The following CLIC2 variants were observed in gnomAD, a reference collection of about 807,000 sequenced individuals.
CLIC2 encodes the protein CLIC family member 2.
Under a neutral mutation model 14.8 loss-of-function variants are expected in CLIC2, and 9 were observed. The observed-to-expected ratio is 0.61, with a 90% CI of 0.37 to 1.06. CLIC2 has a LOEUF of 1.06. Ranked by LOEUF, CLIC2 falls within the 50% of genes least tolerant of loss-of-function variation. The pLI, the probability that CLIC2 is intolerant of heterozygous loss-of-function variation, is 0.01. For missense variants in CLIC2, 148 were observed against 181.4 expected (o/e 0.82, Z 1.06); for synonymous variants, 61 against 66.3 (o/e 0.92, Z 0.39).
rs2074901018 is a variant in CLIC2, at chrX:155,277,016, C to T, written c.*887G>A. The T allele has an allele frequency of 8.9e-6, 1 of 112,217 alleles. No individual in the cohort carries two copies. The highest frequency in any genetic ancestry group is 1.9e-5 in the Non-Finnish European group (1 of 53,160). The allele number at this position is 112,217 out of a possible 1,213,427, so 9.2% of individuals were successfully genotyped here. A position where few individuals can be genotyped will look rare whatever the true frequency, so the allele number is the denominator to read the frequency against. ...TTGAGGGAGCAAGAGTTAAGTTCAGCTTTTGTTTCCAGATTTGAATGATTT... is the reference window on the plus strand; with the variant it reads ...TTGAGGGAGCAAGAGTTAAGTTCAGTTTTTGTTTCCAGATTTGAATGATTT... On this transcript the variant is annotated 3_prime_UTR_variant, in exon 6 of 6. Transcript: ENST00000369449.
intron 1 of CLIC2, among the ~76,000 whole-genome samples, chrX:155,322,299 A>T (rs782427473): frequency 8.9e-6 from 1 of 111,780 alleles, no homozygotes; most frequent in Admixed American, 9.5e-5. Context: ...TTGACCACAT[A>T]ATTGGAAGTA....
At chrX:155,292,901 G>A (rs1602936376) in intron 3 of CLIC2, 1 of 1,000,673 alleles carries the variant, frequency 1.0e-6, no homozygotes, top group Non-Finnish European at 1.4e-6. Context: ...GTGCCTCAAG[G>A]GAAGTAGGAA....
At chrX:155,333,825 G>T (rs1569561421) in intron 1 of CLIC2, among the ~76,000 whole-genome samples, 1 of 109,115 alleles carries the variant, frequency 9.2e-6, no homozygotes, top group African/African-American at 3.3e-5. Flanking sequence ...ACAGACTCCT[G>T]TTTTTTTTCT....
At chrX:155,313,212 A>AAC (rs1276163701) in intron 1 of CLIC2, among the ~76,000 whole-genome samples, 80 of 109,259 alleles carry the variant, frequency 7.3e-4, no homozygotes, top group African/African-American at 2.4e-3. Flanking sequence ...AAAAAAAAAA[A>AAC]AAACAAAACT....
At chrX:155,290,361 AGTAGTAGCTT>A (rs1191416727) in intron 3 of CLIC2, 2 of 425,108 alleles carry the variant, frequency 4.7e-6, no homozygotes, top group Admixed American at 7.0e-5. Flanking sequence ...GACTTGAATC[AGTAGTAGCTT>A]CATTTTCCGC....
chrX:155,277,851 C>T lies in CLIC2; in HGVS notation c.*52G>A. On this transcript the variant is annotated 3_prime_UTR_variant, in exon 6 of 6. Transcript: ENST00000369449. ...ATTTGCAAAAACCTTTCTAATATGT[C>T]AATAAGTAAAATCTGATCACAAATA... is the stretch of plus-strand genomic sequence containing the variant. 1 of 1,093,084 alleles carries T rather than the reference C, an allele frequency of 9.1e-7. No homozygotes were observed. 90.1% of individuals were successfully genotyped at this position (1,093,084 alleles called of 1,213,427 possible). A position where few individuals can be genotyped will look rare whatever the true frequency, so the allele number is the denominator to read the frequency against.
intron 3 of CLIC2, 70 bp from the exon 4 acceptor site, chrX:155,280,138 C>G (rs2074913584): frequency 1.4e-6 from 1 of 702,330 alleles, no homozygotes; most frequent in East Asian, 3.3e-5. Flanking sequence ...CTAGCTTGCA[C>G]TATACTGAAA....
At chrX:155,285,295 T>C (rs2074937723) in intron 3 of CLIC2, among the ~76,000 whole-genome samples, 1 of 112,160 alleles carries the variant, frequency 8.9e-6, no homozygotes, top group East Asian at 2.8e-4. Flanking sequence ...CCAGTGGTTG[T>C]TGTGTGTTAT....
In CLIC2 at chrX:155,326,571, G is replaced by C. The variant is rs1419156402; in HGVS notation, c.57+7800C>G. 5.4e-5 allele frequency among the ~76,000 whole-genome samples: 6 copies of C among 111,647 alleles called. No individual in the cohort carries two copies. The East Asian group carries it at 1.7e-3, about 31-fold the overall frequency. ...CAGCTGCTACGCGACCAAACAACTA[G>C]ACCCTTTGGCATTTATCTCAGAGAA... On this transcript the variant is annotated intron_variant, in intron 1 of 5. Transcript: ENST00000369449.
At chrX:155,325,005 A>G (rs1435110008) in intron 1 of CLIC2, among the ~76,000 whole-genome samples, 1 of 112,529 alleles carries the variant, frequency 8.9e-6, no homozygotes, top group Non-Finnish European at 1.9e-5. Context: ...TCATATGAAT[A>G]AAAGCTAATC....
chrX:155,288,292 A>G (rs1319220825), intron 3 of CLIC2, among the ~76,000 whole-genome samples: 1 of 112,220 alleles, frequency 8.9e-6, no homozygotes, highest in African/African-American at 3.2e-5. Context: ...TAGGTATGAT[A>G]ATGCCACCTA....
chrX:155,294,064 A>G (rs782017560), intron 3 of CLIC2, among the ~76,000 whole-genome samples: 33 of 112,128 alleles, frequency 2.9e-4, no homozygotes, highest in African/African-American at 1.0e-3. Flanking sequence ...AAATGAACCA[A>G]ACAGACATTT....
intron 3 of CLIC2, chrX:155,293,365 G>C (rs1161168693): frequency 9.2e-7 from 1 of 1,084,214 alleles, no homozygotes; most frequent in Non-Finnish European, 1.3e-6. Flanking sequence ...CAACAAGAAA[G>C]GAAAGGCTGA....
intron 3 of CLIC2, among the ~76,000 whole-genome samples, chrX:155,295,573 A>C (rs1557318254): frequency 1.8e-5 from 2 of 111,201 alleles, no homozygotes; most frequent in Non-Finnish European, 3.8e-5. Context: ...AAAAGGAAGT[A>C]AAATTGTCCC....
rs1252610268 is a variant in CLIC2, at chrX:155,277,270, G to A, written c.*633C>T. 1 of 111,062 alleles carries A rather than the reference G, an allele frequency of 9.0e-6. No homozygotes were observed. 9.2% of individuals were successfully genotyped at this position (111,062 alleles called of 1,213,427 possible). On this transcript the variant is annotated 3_prime_UTR_variant, in exon 6 of 6. Coordinates refer to ENST00000369449, the MANE Select transcript of CLIC2 (RefSeq NM_001289.6). Reference sequence around the variant, plus strand: ...TAAAATTATGTTTTATTTAATGAGTGCTTCTTCATTTAAAAATAATATAAT... The same window carrying A: ...TAAAATTATGTTTTATTTAATGAGTACTTCTTCATTTAAAAATAATATAAT...
chrX:155,313,282 T>A (rs1216984839), intron 1 of CLIC2, among the ~76,000 whole-genome samples: 1 of 109,785 alleles, frequency 9.1e-6, no homozygotes, highest in African/African-American at 3.3e-5. Flanking sequence ...TCTAAATTAG[T>A]TCAACTATTG....
chrX:155,320,617 A>C (rs1047100532), intron 1 of CLIC2, among the ~76,000 whole-genome samples: 16 of 112,087 alleles, frequency 1.4e-4, no homozygotes, highest in African/African-American at 4.9e-4. Flanking sequence ...AACCAGTGCA[A>C]AACGTCTGAA....
intron 3 of CLIC2, chrX:155,290,263 C>T (rs2074959316): frequency 5.5e-6 from 1 of 182,443 alleles, no homozygotes; most frequent in Admixed American, 7.0e-5. Flanking sequence ...AATTTTTTCC[C>T]TACTTTATAT....
chrX:155,302,973 A>G (rs1166498737), intron 1 of CLIC2, among the ~76,000 whole-genome samples: 3 of 93,278 alleles, frequency 3.2e-5, no homozygotes, highest in Non-Finnish European at 6.5e-5. Flanking sequence ...GTTCTTTTGC[A>G]TTTGCTGAGG....
Sources: gnomAD v4.1 joint callset for allele counts (sites outside exome capture counted in the v4.1 genomes callset) on GRCh38, gnomAD v4.1.1 for gene constraint, MANE v1.5 for transcripts, NCBI Gene and HGNC (gene_info 2026-07-23, HGNC 2026-07-21) for gene names.